Variants in LPCAT2 observed in about 807,000 individuals in gnomAD.
The protein encoded by LPCAT2 is 1-AGP acyltransferase 11.
LPCAT2 carries 58 observed loss-of-function variants against 64.7 expected under a neutral mutation model. That is an observed-to-expected ratio of 0.90 (90% CI 0.73 to 1.12). The LOEUF (loss-of-function observed/expected upper bound fraction) is 1.12, where lower values mean the gene tolerates loss of function less well. Ranked by LOEUF, LPCAT2 falls within the 50% of genes most tolerant of loss-of-function variation. The probability of loss-of-function intolerance (pLI) is 0.00; values close to 1 mark genes in which losing one functional copy is unlikely to be tolerated. For missense variants in LPCAT2, 579 were observed against 669.8 expected (o/e 0.86, Z 1.50); for synonymous variants, 252 against 245.3 (o/e 1.03, Z -0.26).
chr16:55,525,025 T>C (rs1296679158), intron 1 of LPCAT2, among the ~76,000 whole-genome samples: 1 of 152,124 alleles, frequency 6.6e-6, no homozygotes, highest in East Asian at 1.9e-4. Context: ...ATCTCCTTAT[T>C]GTTATTAGTT....
intron 11 of LPCAT2, among the ~76,000 whole-genome samples, chr16:55,565,582 C>T (rs1182544507): frequency 6.6e-6 from 1 of 151,988 alleles, no homozygotes; most frequent in Admixed American, 6.6e-5. Context: ...AAATTATGCT[C>T]ATTGAAATAA....
intron 9 of LPCAT2, among the ~76,000 whole-genome samples, chr16:55,547,029 C>T (rs1294444204): frequency 5.9e-5 from 9 of 152,094 alleles, no homozygotes; most frequent in Non-Finnish European, 8.8e-5. Context: ...CGCCTGTAAT[C>T]CCAGCTACTC....
intron 1 of LPCAT2, among the ~76,000 whole-genome samples, chr16:55,516,071 A>G (rs1332965825): frequency 1.3e-5 from 2 of 152,138 alleles, no homozygotes; most frequent in African/African-American, 4.8e-5. Flanking sequence ...AAAAATACCT[A>G]ACTCTGTGCT....
chr16:55,580,247 A>G (rs1963873999), intron 13 of LPCAT2, among the ~76,000 whole-genome samples: 1 of 152,148 alleles, frequency 6.6e-6, no homozygotes, highest in African/African-American at 2.4e-5. Context: ...CACTTAATCT[A>G]TTGAGTTCAT....
chr16:55,567,594 C>A, intron 11 of LPCAT2: 1 of 1,293,250 alleles, frequency 7.7e-7, no homozygotes, highest in South Asian at 1.4e-5. Flanking sequence ...TGTGCAACAG[C>A]TCTCATTTCC....
chr16:55,540,349 T>C (rs185641477), intron 8 of LPCAT2: 3 of 152,300 alleles, frequency 2.0e-5, no homozygotes, highest in Non-Finnish European at 4.4e-5. Flanking sequence ...TAATGTGGCA[T>C]AATGGGTGTT....
chr16:55,532,209 C>CTG, intron 5 of LPCAT2: 2 of 416,902 alleles, frequency 4.8e-6, no homozygotes, highest in South Asian at 3.6e-5. Context: ...GGATGTGTGG[C>CTG]TGTGTGTGTG....
chr16:55,534,387 A>G (rs1963296986), intron 6 of LPCAT2, 56 bp from the exon 7 acceptor site: 2 of 1,016,988 alleles, frequency 2.0e-6, no homozygotes, highest in African/African-American at 3.2e-5. Context: ...TAAGATCTTT[A>G]TTTTATTTAG....
rs763421111 is a variant in LPCAT2 at position 55,545,783 on chromosome 16, C to G, written c.901C>G (p.Leu301Val). The G allele has an allele frequency of 1.2e-6, 2 of 1,612,616 alleles. No homozygotes were observed. Among genetic ancestry groups the G allele is most frequent in the Non-Finnish European group, 8.5e-7 (1 of 1,179,328 alleles). ...PNDEEKNDPV[L>V]FANKVRNLMA... ...TGATGAAGAAAAAAATGATCCTGTC[C>G]TTTTTGCCAATAAAGTCCGGAATTT... The change falls in exon 9 of 14, where the codon CTT becomes GTT. Residue 301 changes from leucine to valine, a missense_variant. Coordinates refer to ENST00000262134, the MANE Select transcript of LPCAT2 (RefSeq NM_017839.5).
At chr16:55,575,613 T>C (rs1220440703) in intron 12 of LPCAT2, among the ~76,000 whole-genome samples, 1 of 152,200 alleles carries the variant, frequency 6.6e-6, no homozygotes, top group Non-Finnish European at 1.5e-5. Context: ...TCTTCCTGAC[T>C]TTCTTGGAGA....
chr16:55,518,402 AT>A (rs1963044145), intron 1 of LPCAT2, among the ~76,000 whole-genome samples: 1 of 152,134 alleles, frequency 6.6e-6, no homozygotes, highest in Non-Finnish European at 1.5e-5. Context: ...TGGCTTCTTT[AT>A]TTTTTTGCAG....
intron 11 of LPCAT2, among the ~76,000 whole-genome samples, chr16:55,565,814 T>C (rs1164340556): frequency 2.0e-5 from 3 of 152,166 alleles, no homozygotes; most frequent in Admixed American, 1.3e-4. Context: ...TTAATGCCAC[T>C]GAACTCTATA....
chr16:55,586,377 A>ATTT lies in LPCAT2; in HGVS notation c.*3279_*3280insTTT, dbSNP rs1963946592. 6.6e-6 allele frequency: 1 copy of ATTT among 152,070 alleles called. No individual in the cohort carries two copies. Among genetic ancestry groups the ATTT allele is most frequent in the Non-Finnish European group, 1.5e-5 (1 of 68,012 alleles). The allele number at this position is 152,070 out of a possible 1,614,324, so 9.4% of individuals were successfully genotyped here. A position where few individuals can be genotyped will look rare whatever the true frequency, so the allele number is the denominator to read the frequency against. On this transcript the variant is annotated 3_prime_UTR_variant, in exon 14 of 14. Coordinates refer to ENST00000262134, the MANE Select transcript of LPCAT2 (RefSeq NM_017839.5). ...GGTCCCTATTTTTTATAACGTATTAACCTTATTATTTTCTTATTATTTTAA... is the reference window on the plus strand; with the variant it reads ...GGTCCCTATTTTTTATAACGTATTAATTTCCTTATTATTTTCTTATTATTTTAA...
At chr16:55,549,094 TAGTA>T (rs1178163965) in intron 9 of LPCAT2, among the ~76,000 whole-genome samples, 179 bp from the exon 10 acceptor site, 2 of 152,330 alleles carry the variant, frequency 1.3e-5, no homozygotes, top group Admixed American at 6.5e-5. Flanking sequence ...ACTTGATCCT[TAGTA>T]AGTCTGTGAA....
intron 11 of LPCAT2, among the ~76,000 whole-genome samples, chr16:55,552,625 T>C (rs1405149720): frequency 6.6e-6 from 1 of 152,234 alleles, no homozygotes; most frequent in Admixed American, 6.5e-5. Flanking sequence ...GTGAGCCATA[T>C]GCAGTTTTTG....
Position 55,583,318 on chromosome 16 carries a change from C to T in LPCAT2, c.*220C>T, listed in dbSNP as rs1477332620. On this transcript the variant is annotated 3_prime_UTR_variant, in exon 14 of 14. Transcript: ENST00000262134. ...TTCTTTTGTGTTATATTGTACTTTA[C>T]TGATTCATTTACTGGTGATACATAT... 1.4e-5 allele frequency: 6 copies of T among 430,342 alleles called. No homozygotes were observed. The highest frequency in any genetic ancestry group is 2.5e-5 in the Non-Finnish European group (6 of 240,200). 26.7% of individuals were successfully genotyped at this position (430,342 alleles called of 1,614,324 possible). A position where few individuals can be genotyped will look rare whatever the true frequency, so the allele number is the denominator to read the frequency against.
intron 12 of LPCAT2, among the ~76,000 whole-genome samples, chr16:55,578,691 A>G (rs1963856125): frequency 6.6e-6 from 1 of 152,188 alleles, no homozygotes; most frequent in Non-Finnish European, 1.5e-5. Flanking sequence ...GTGAGGAATT[A>G]TATACCCACC....
chr16:55,539,424 A>G (rs1437914507), intron 8 of LPCAT2: 4 of 152,106 alleles, frequency 2.6e-5, no homozygotes, highest in Non-Finnish European at 1.5e-5. Flanking sequence ...CAGAGATTTG[A>G]TGAATTAGAA....
At position 55,528,447 on chromosome 16, in the gene LPCAT2, G is replaced by T. The variant is rs61739979; in HGVS notation, c.382G>T (p.Val128Leu). 6.2e-7 allele frequency: 1 copy of T among 1,614,002 alleles called. No homozygotes were observed. Among genetic ancestry groups the T allele is most frequent in the Non-Finnish European group, 8.5e-7 (1 of 1,179,948 alleles). Residue 128 changes from valine (V) to leucine (L), a missense_variant, in exon 3 of 14, where the codon GTA (valine) becomes TTA (leucine). Physicochemically the swap from Val to Leu is conservative, Grantham distance 32. Transcript: ENST00000262134. ...MFFSMGFIVA[V>L]KGKIASPLEA... is the part of the protein sequence containing the mutation. ...CTTTTCAATGGGATTTATAGTTGCT[G>T]TAAAAGGAAAGATTGCAAGTCCTTT...
Sources: allele counts gnomAD v4.1 joint callset (sites outside exome capture counted in the v4.1 genomes callset), GRCh38; gene constraint gnomAD v4.1.1; transcripts MANE v1.5; gene names NCBI Gene and HGNC (gene_info 2026-07-23, HGNC 2026-07-21).